ZPLD1: variants seen among roughly 807,000 people sequenced by gnomAD.
ZPLD1 encodes zona pellucida like domain containing 1.
Under a neutral mutation model 47.2 loss-of-function variants are expected in ZPLD1, and 34 were observed. That is an observed-to-expected ratio of 0.72 (90% CI 0.55 to 0.96). The LOEUF (loss-of-function observed/expected upper bound fraction) is 0.96, where lower values mean the gene tolerates loss of function less well. ZPLD1 is among the 40% of genes least tolerant of loss of function. The probability of loss-of-function intolerance (pLI) is 0.00; values close to 1 mark genes in which losing one functional copy is unlikely to be tolerated. For missense variants in ZPLD1, 512 were observed against 505.8 expected (o/e 1.01, Z -0.12); for synonymous variants, 176 against 186.2 (o/e 0.95, Z 0.45).
chr3:102,454,219 C>A (rs555802061), intron 4 of ZPLD1, among the ~76,000 whole-genome samples: 1 of 152,218 alleles, frequency 6.6e-6, no homozygotes, highest in African/African-American at 2.4e-5. Flanking sequence ...AATATTGTGC[C>A]CGTGACCATT....
At chr3:102,454,232 C>T (rs911282954) in intron 4 of ZPLD1, among the ~76,000 whole-genome samples, 2 of 152,132 alleles carry the variant, frequency 1.3e-5, no homozygotes, top group African/African-American at 4.8e-5. Context: ...TGACCATTTC[C>T]AAGCCTGCAG....
intron 8 of ZPLD1, among the ~76,000 whole-genome samples, chr3:102,425,627 T>C: frequency 6.6e-6 from 1 of 152,112 alleles, no homozygotes; most frequent in East Asian, 1.9e-4. Context: ...AAGAACATTT[T>C]GGTTATTGAG....
intron 3 of ZPLD1, among the ~76,000 whole-genome samples, chr3:102,447,070 C>CT (rs1553711846): frequency 3.3e-5 from 5 of 151,434 alleles, no homozygotes; most frequent in African/African-American, 7.3e-5. Flanking sequence ...TGCATCTCAT[C>CT]TTTTTTTTTC....
At chr3:102,441,942 A>C (rs950827601) in intron 3 of ZPLD1, among the ~76,000 whole-genome samples, 1 of 152,120 alleles carries the variant, frequency 6.6e-6, no homozygotes, top group Non-Finnish European at 1.5e-5. Context: ...AGCAAGGCTC[A>C]CATCAAAATT....
chr3:102,461,338 C>G (rs1576161982), intron 6 of ZPLD1, among the ~76,000 whole-genome samples: 1 of 152,034 alleles, frequency 6.6e-6, no homozygotes, highest in African/African-American at 2.4e-5. Context: ...GTTTTTTGCA[C>G]TCTATTTTTT....
intron 8 of ZPLD1, among the ~76,000 whole-genome samples, chr3:102,464,574 G>C (rs960485925): frequency 1.3e-5 from 2 of 152,166 alleles, no homozygotes; most frequent in Non-Finnish European, 2.9e-5. Flanking sequence ...CGCAGGAAAA[G>C]AAATGCAATA....
rs138954799 is a variant in ZPLD1, at chr3:102,468,987, C to T, written c.785C>T (p.Thr262Ile). 1 of 1,613,676 alleles carries T rather than the reference C, an allele frequency of 6.2e-7. No homozygotes were observed. Among genetic ancestry groups the T allele is most frequent in the African/African-American group, 1.3e-5 (1 of 74,906 alleles). The change falls in exon 9 of 12, where the codon ACC (threonine) becomes ATC (isoleucine). Residue 262 changes from threonine to isoleucine, a missense_variant. Physicochemically the swap from Thr to Ile is moderately conservative, Grantham distance 89 (BLOSUM62 -1). Coordinates refer to ENST00000466937, the MANE Select transcript of ZPLD1 (RefSeq NM_001329788.2). ...FLSCDKDPQTTVIENGRSQRG... is the reference protein window; with the variant it reads ...FLSCDKDPQTIVIENGRSQRG... ...AGCTGTGACAAGGACCCTCAGACCA[C>T]CGTCATTGAGAATGGCCGAAGCCAG...
At chr3:102,425,950 A>C (rs545176220) in intron 8 of ZPLD1, among the ~76,000 whole-genome samples, 23 of 151,600 alleles carry the variant, frequency 1.5e-4, no homozygotes, top group Admixed American at 1.5e-3. Context: ...GTAGGTCCTT[A>C]TTTTACAGAT....
chr3:102,453,190 C>T, intron 4 of ZPLD1, 51 bp downstream of exon 4: 1 of 1,495,942 alleles, frequency 6.7e-7, no homozygotes, highest in Non-Finnish European at 9.2e-7. Context: ...AAATAAAAAT[C>T]TCCCCATTTC....
chr3:102,395,507 G>A (rs955956100), intron 7 of ZPLD1, among the ~76,000 whole-genome samples: 2 of 152,104 alleles, frequency 1.3e-5, no homozygotes, highest in African/African-American at 2.4e-5. Context: ...GCCTCTGGGG[G>A]CTGGAAAAGG....
Position 102,429,558 on chromosome 3 carries a change from T to C in ZPLD1, c.-8-8922T>C, listed in dbSNP as rs1576141435. Among the ~76,000 whole-genome samples, 4 of 152,288 alleles carry C rather than the reference T, an allele frequency of 2.6e-5. No individual in the cohort carries two copies. In the East Asian group the frequency reaches 7.7e-4, roughly 29 times the overall value. Reference sequence around the variant, plus strand: ...TACTGGATTGGGGGGGAAAGTTATATAATATATTTTTTATGAATTGAGAAA... The same window carrying C: ...TACTGGATTGGGGGGGAAAGTTATACAATATATTTTTTATGAATTGAGAAA... On this transcript the variant is annotated intron_variant, in intron 8 of 17. Coordinates refer to the ZPLD1 transcript ENST00000491959.
intron 6 of ZPLD1, among the ~76,000 whole-genome samples, chr3:102,391,001 T>C (rs544412899): frequency 6.6e-6 from 1 of 152,264 alleles, no homozygotes; most frequent in African/African-American, 2.4e-5. Context: ...AAATTTTTAG[T>C]CTCCTTAGAA....
At chr3:102,439,025 A>T (rs2107321178) in intron 3 of ZPLD1, among the ~76,000 whole-genome samples, 1 of 152,360 alleles carries the variant, frequency 6.6e-6, no homozygotes, top group Non-Finnish European at 1.5e-5. Flanking sequence ...ATTACCACAA[A>T]GGACACAGGT....
chr3:102,472,230 G>A (rs1303447648), intron 10 of ZPLD1, among the ~76,000 whole-genome samples: 2 of 151,996 alleles, frequency 1.3e-5, no homozygotes, highest in Non-Finnish European at 2.9e-5. Context: ...TGCTTTGACC[G>A]GCTTAAAAAT....
chr3:102,399,058 C>T (rs1451826617), intron 7 of ZPLD1, among the ~76,000 whole-genome samples: 1 of 152,096 alleles, frequency 6.6e-6, no homozygotes, highest in Non-Finnish European at 1.5e-5. Context: ...AGGAAGCAAG[C>T]ATTTTATCTC....
At chr3:102,411,178 G>C (rs545181409) in intron 7 of ZPLD1, among the ~76,000 whole-genome samples, 201 of 151,816 alleles carry the variant, frequency 1.3e-3, no homozygotes, top group African/African-American at 4.8e-3. Flanking sequence ...GTATTTAACT[G>C]TGGGAAAAAA....
intron 6 of ZPLD1, among the ~76,000 whole-genome samples, chr3:102,459,089 CAAAAAAAAAAAAAAAAAAA>C (rs767071660): frequency 7.7e-5 from 2 of 25,840 alleles, no homozygotes; most frequent in Non-Finnish European, 1.5e-4. Flanking sequence ...GACTCCGTCT[CAAAAAAAAAAAAAAAAAAA>C]AAAAAAAAAA....
intron 7 of ZPLD1, among the ~76,000 whole-genome samples, chr3:102,396,083 G>A (rs1326189177): frequency 6.6e-6 from 1 of 152,090 alleles, no homozygotes; most frequent in Non-Finnish European, 1.5e-5. Context: ...TGAATTACAT[G>A]TTGTTGGAAG....
intron 3 of ZPLD1, among the ~76,000 whole-genome samples, chr3:102,444,347 A>G (rs1707224776): frequency 6.6e-6 from 1 of 152,206 alleles, no homozygotes; most frequent in East Asian, 1.9e-4. Flanking sequence ...GAGGTGGCAC[A>G]AAACCTGTTC....
Sources: gnomAD v4.1 joint callset for allele counts (sites outside exome capture counted in the v4.1 genomes callset) on GRCh38, gnomAD v4.1.1 for gene constraint, MANE v1.5 for transcripts, NCBI Gene and HGNC (gene_info 2026-07-23, HGNC 2026-07-21) for gene names.